The following AASS variants were observed in gnomAD, a reference collection of about 807,000 sequenced individuals.
AASS encodes aminoadipate-semialdehyde synthase, also known as alpha-aminoadipic semialdehyde synthase, mitochondrial.
AASS carries 86 observed loss-of-function variants against 105.4 expected under a neutral mutation model. That is an observed-to-expected ratio of 0.82 (90% CI 0.69 to 0.98). AASS has a LOEUF of 0.98. AASS is among the 50% of genes least tolerant of loss of function. AASS has a pLI of 0.00. For synonymous variants in AASS, 381 were observed against 394.8 expected (o/e 0.96, Z 0.41); for missense variants, 1,048 against 1,143.2 (o/e 0.92, Z 1.20).
chr7:122,093,859 T>C (rs1333269791), intron 15 of AASS, among the ~76,000 whole-genome samples: 1 of 151,842 alleles, frequency 6.6e-6, no homozygotes, highest in Non-Finnish European at 1.5e-5. Flanking sequence ...AAACCGTGAA[T>C]TGGATTAAAA....
chr7:122,110,192 A>G (rs988771872), intron 11 of AASS, among the ~76,000 whole-genome samples: 8 of 151,986 alleles, frequency 5.3e-5, no homozygotes, highest in Non-Finnish European at 1.0e-4. Flanking sequence ...TGATCACCAA[A>G]GTTGAACTGA....
rs750211657 is a variant in AASS, at chr7:122,113,669, A to G, written c.1095T>C (p.Phe365=). The change falls in exon 10 of 24, where the codon TTT becomes TTC. Residue 365 remains phenylalanine (F), a synonymous_variant. Coordinates refer to ENST00000417368, the MANE Select transcript of AASS (RefSeq NM_005763.4). ...ISADTGGSIE[F]MTECTTIEHP... ...GCTCTATTGTTGTACACTCAGTCAT[A>G]AACTCTATAGACCCTCCTGTGTCAG... 5 of 1,613,642 alleles carry G rather than the reference A, an allele frequency of 3.1e-6. No homozygotes were observed. The East Asian group carries it at 1.1e-4, about 36-fold the overall frequency.
rs201772763 is a variant in AASS, at chr7:122,093,104, T to G, written c.1710A>C (p.Lys570Asn). The change falls in exon 16 of 24, where the codon AAA becomes AAC. Residue 570 changes from lysine (K) to asparagine (N), a missense_variant. Coordinates refer to ENST00000417368, the MANE Select transcript of AASS (RefSeq NM_005763.4). ...TGTAGCTTGCAGTGACCATGTTAAC[T>G]TTGTTTGTGATGCAGGCCTTGGCCA... The part of the protein sequence containing the change: ...PLVAKACITN[K>N]VNMVTASYIT... 1 of 1,614,030 alleles carries G rather than the reference T, an allele frequency of 6.2e-7. No individual in the cohort carries two copies. The highest frequency in any genetic ancestry group is 8.5e-7 in the Non-Finnish European group (1 of 1,179,910).
intron 9 of AASS, 118 bp from the exon 10 acceptor site, chr7:122,113,838 T>G: frequency 8.5e-7 from 1 of 1,180,920 alleles, no homozygotes; most frequent in Non-Finnish European, 1.2e-6. Flanking sequence ...TCCAGGCTTT[T>G]GGGGTCTTTT....
At chr7:122,106,807 C>T (rs1003396085) in intron 11 of AASS, among the ~76,000 whole-genome samples, 1 of 151,998 alleles carries the variant, frequency 6.6e-6, no homozygotes, top group African/African-American at 2.4e-5. Context: ...ATTATAAAAA[C>T]CCTGGAAGAT....
In AASS at chr7:122,077,833, C is replaced by A; in HGVS notation, c.2662+5G>T. On this transcript the variant is annotated splice_donor_5th_base_variant and intron_variant, in intron 23 of 23. Coordinates refer to ENST00000417368, the MANE Select transcript of AASS (RefSeq NM_005763.4). ...CAGGCTTACACCTCAAATGAACAGA[C>A]TTACCATCAAGCAACATTTTGGCTG... The A allele has an allele frequency of 1.2e-6, 2 of 1,614,176 alleles. No homozygotes were observed. Among genetic ancestry groups the A allele is most frequent in the Non-Finnish European group, 1.7e-6 (2 of 1,180,020 alleles).
intron 19 of AASS, among the ~76,000 whole-genome samples, chr7:122,084,170 T>C (rs1005216773): frequency 2.0e-5 from 3 of 152,100 alleles, no homozygotes; most frequent in African/African-American, 7.2e-5. Context: ...GAGCTGGGGA[T>C]AGTATGCATA....
At position 122,091,847 on chromosome 7, in the gene AASS, T is replaced by C; in HGVS notation, c.1876-4A>G. The C allele has an allele frequency of 6.3e-7, 1 of 1,582,258 alleles. No individual in the cohort carries two copies. The highest frequency in any genetic ancestry group is 1.7e-4 in the Middle Eastern group (1 of 6,002). On this transcript the variant is annotated splice_polypyrimidine_tract_variant and splice_region_variant and intron_variant, in intron 17 of 23. Coordinates refer to ENST00000417368, the MANE Select transcript of AASS (RefSeq NM_005763.4). Reference sequence around the variant, plus strand: ...AGTAGGAAATATATGATTCAATCTATAAATTAAAGAATCAATAAATAAGGA... The same window carrying C: ...AGTAGGAAATATATGATTCAATCTACAAATTAAAGAATCAATAAATAAGGA...
chr7:122,135,678 T>TA (rs1037674685), intron 1 of AASS, among the ~76,000 whole-genome samples: 1 of 152,198 alleles, frequency 6.6e-6, no homozygotes, highest in Non-Finnish European at 1.5e-5. Flanking sequence ...CTTGTCCCCC[T>TA]AGTCCCAGAA....
chr7:122,139,984 T>A (rs1327271856), intron 1 of AASS, among the ~76,000 whole-genome samples: 1 of 151,970 alleles, frequency 6.6e-6, no homozygotes, highest in Non-Finnish European at 1.5e-5. Flanking sequence ...AAACAAATGA[T>A]GTATTTAATT....
At chr7:122,101,914 T>C (rs1224438051) in intron 11 of AASS, among the ~76,000 whole-genome samples, 1 of 152,088 alleles carries the variant, frequency 6.6e-6, no homozygotes, top group East Asian at 1.9e-4. Flanking sequence ...AATTGGATTA[T>C]AATCATCTTT....
intron 19 of AASS, among the ~76,000 whole-genome samples, chr7:122,085,133 G>A (rs1315861189): frequency 6.6e-6 from 1 of 152,150 alleles, no homozygotes; most frequent in Non-Finnish European, 1.5e-5. Context: ...ACACACAGAA[G>A]AAGGTGATAT....
intron 10 of AASS, 150 bp downstream of exon 10, chr7:122,113,448 T>G (rs1482183899): frequency 1.5e-5 from 15 of 1,020,288 alleles, no homozygotes; most frequent in Non-Finnish European, 2.2e-5. Context: ...TGTTCAAATG[T>G]GCATGTTTTT....
At chr7:122,093,741 T>G (rs1388816027) in intron 15 of AASS, among the ~76,000 whole-genome samples, 1 of 151,868 alleles carries the variant, frequency 6.6e-6, no homozygotes, top group Non-Finnish European at 1.5e-5. Context: ...ACTCAGGAGG[T>G]CAAGGCTGCA....
chr7:122,116,425 T>C (rs1795177604), intron 8 of AASS, among the ~76,000 whole-genome samples: 2 of 151,676 alleles, frequency 1.3e-5, no homozygotes, highest in Admixed American at 1.3e-4. Context: ...AAACAAAGAG[T>C]GTATCCACAG....
chr7:122,115,200 A>T lies in AASS; in HGVS notation c.917T>A (p.Leu306Ter). The change falls in exon 9 of 24, where the codon TTA (leucine) becomes TAA (stop). Residue 306 changes from leucine (L) to a stop codon, truncating the protein, a stop_gained. Coordinates refer to ENST00000417368, the MANE Select transcript of AASS (RefSeq NM_005763.4). LOFTEE classifies it high-confidence loss of function. ...NTDIAPYTTC[L>*]INGIYWEQNT... Reference sequence around the variant, plus strand: ...TTGTTCCCAGTAGATTCCATTAATTAAGCAAGTTGTATAGGGTGCAATCTG... The same window carrying T: ...TTGTTCCCAGTAGATTCCATTAATTTAGCAAGTTGTATAGGGTGCAATCTG... 2 of 1,614,166 alleles carry T rather than the reference A, an allele frequency of 1.2e-6. No homozygotes were observed. Among genetic ancestry groups the T allele is most frequent in the South Asian group, 2.2e-5 (2 of 91,084 alleles).
In AASS at chr7:122,118,387, A is replaced by T. The variant is rs200633154; in HGVS notation, c.607T>A (p.Tyr203Asn). ...GGCATCAAACCCAAAGATATTTCAT[A>T]GCCAGCATCACGGACAGCTTGCACA... ...QAVQAVRDAG[Y>N]EISLGLMPKS... Residue 203 changes from tyrosine (Y) to asparagine (N), a missense_variant, in exon 6 of 24, where the codon TAT (tyrosine) becomes AAT (asparagine). Transcript: ENST00000417368. 3.7e-6 allele frequency: 6 copies of T among 1,614,202 alleles called. No individual in the cohort carries two copies. In the East Asian group the frequency reaches 1.3e-4, roughly 36 times the overall value.
chr7:122,077,933 A>C lies in AASS; in HGVS notation c.2567T>G (p.Ile856Ser). The change falls in exon 23 of 24, where the codon ATT becomes AGT. Residue 856 changes from isoleucine to serine, a missense_variant. Coordinates refer to ENST00000417368, the MANE Select transcript of AASS (RefSeq NM_005763.4). Reference protein sequence around the residue: ...HPSGHLEHKTIDLVAYGDING... With the variant: ...HPSGHLEHKTSDLVAYGDING... ...GATGTCCCCATAAGCCACAAGATCAATCGTTTTATGTTCTAAATGTCCAGA... is the reference window on the plus strand; with the variant it reads ...GATGTCCCCATAAGCCACAAGATCACTCGTTTTATGTTCTAAATGTCCAGA... The C allele has an allele frequency of 6.2e-7, 1 of 1,614,204 alleles. No individual in the cohort carries two copies. The highest frequency in any genetic ancestry group is 8.5e-7 in the Non-Finnish European group (1 of 1,180,030).
chr7:122,088,851 C>T (rs758867520), intron 18 of AASS, among the ~76,000 whole-genome samples: 4 of 152,028 alleles, frequency 2.6e-5, no homozygotes, highest in Non-Finnish European at 4.4e-5. Flanking sequence ...TAAAAAAGTA[C>T]ACCACCACTG....
Sources: allele counts gnomAD v4.1 joint callset (sites outside exome capture counted in the v4.1 genomes callset), GRCh38; gene constraint gnomAD v4.1.1; transcripts MANE v1.5; gene names NCBI Gene and HGNC (gene_info 2026-07-23, HGNC 2026-07-21).